The following PRDM5 variants were observed in gnomAD, a reference collection of about 807,000 sequenced individuals.
PRDM5 encodes the protein PR domain zinc finger protein 5.
Under a neutral mutation model 81.2 loss-of-function variants are expected in PRDM5, and 56 were observed. The observed-to-expected ratio is 0.69, with a 90% CI of 0.56 to 0.86. The LOEUF (loss-of-function observed/expected upper bound fraction) is 0.86, where lower values mean the gene tolerates loss of function less well. PRDM5 is among the 40% of genes least tolerant of loss of function. PRDM5 has a pLI of 0.00. For missense variants in PRDM5, 697 were observed against 770.1 expected, an observed-to-expected ratio of 0.91 and a Z score of 1.12; for synonymous variants, 267 against 256.4, an observed-to-expected ratio of 1.04 and a Z score of -0.39.
intron 8 of PRDM5, among the ~76,000 whole-genome samples, chr4:120,810,054 C>A (rs773404440): frequency 1.3e-5 from 2 of 152,108 alleles, no homozygotes; most frequent in Non-Finnish European, 2.9e-5. Context: ...TTTCATTATA[C>A]ATTTTAATGT....
chr4:120,844,363 G>A (rs1460111482), intron 3 of PRDM5, among the ~76,000 whole-genome samples: 1 of 152,108 alleles, frequency 6.6e-6, no homozygotes, highest in Admixed American at 6.6e-5. Flanking sequence ...TTTACAAATT[G>A]AAGGACTACG....
At chr4:120,687,075 ATT>A (rs1353786142), downstream of PRDM5, among the ~76,000 whole-genome samples, 4 of 152,078 alleles carry the variant, frequency 2.6e-5, no homozygotes, top group African/African-American at 9.7e-5. Context: ...AAATTGCAGT[ATT>A]TTTATCTGAA....
intron 2 of PRDM5, among the ~76,000 whole-genome samples, chr4:120,855,290 C>G (rs1298974052): frequency 6.6e-6 from 1 of 152,024 alleles, no homozygotes; most frequent in Non-Finnish European, 1.5e-5. Context: ...CTGGGAAGCA[C>G]GAATTTAATT....
At chr4:120,744,609 A>G (rs1213990753) in intron 14 of PRDM5, among the ~76,000 whole-genome samples, 1 of 152,226 alleles carries the variant, frequency 6.6e-6, no homozygotes, top group Non-Finnish European at 1.5e-5. Context: ...ATTACCACGG[A>G]TCCCACAGAA....
intron 11 of PRDM5, among the ~76,000 whole-genome samples, chr4:120,782,412 G>A (rs1248066108): frequency 6.6e-6 from 1 of 151,888 alleles, no homozygotes; most frequent in Non-Finnish European, 1.5e-5. Context: ...GAAATATGAA[G>A]ACTCTATTAT....
intron 10 of PRDM5, among the ~76,000 whole-genome samples, chr4:120,793,350 G>A (rs1304501052): frequency 3.3e-5 from 5 of 152,108 alleles, no homozygotes; most frequent in Non-Finnish European, 5.9e-5. Context: ...AGGAAAACAA[G>A]CTGAGGGCTC....
chr4:120,808,359 G>A (rs576479365), intron 8 of PRDM5, among the ~76,000 whole-genome samples: 5 of 152,118 alleles, frequency 3.3e-5, no homozygotes, highest in South Asian at 2.1e-4. Flanking sequence ...AGTTCTCCAC[G>A]TCCCCATTAG....
rs11942942 is a variant in PRDM5 at position 120,805,316 on chromosome 4, A to G, written c.946-5571T>C. Among the ~76,000 whole-genome samples, 472 of 152,318 alleles carry G rather than the reference A, an allele frequency of 3.1e-3. 3 individuals carry two copies. Among genetic ancestry groups the G allele is most frequent in the African/African-American group, 0.011 (465 of 41,566 alleles). On this transcript the variant is annotated intron_variant, in intron 8 of 15. Coordinates refer to ENST00000264808, the MANE Select transcript of PRDM5 (RefSeq NM_018699.4). ...ATTTCTTCTGAAACTATTCCAATCA[A>G]TAGAAAAAGAGGGAATCCTCCCTAA... is the stretch of plus-strand genomic sequence containing the variant.
intron 15 of PRDM5, among the ~76,000 whole-genome samples, chr4:120,703,610 C>A (rs879522030): frequency 6.6e-6 from 1 of 152,174 alleles, no homozygotes; most frequent in African/African-American, 2.4e-5. Context: ...TATCTTACAA[C>A]TTTCACCATG....
intron 8 of PRDM5, among the ~76,000 whole-genome samples, chr4:120,804,944 A>G (rs1752694688): frequency 6.6e-6 from 1 of 152,190 alleles, no homozygotes; most frequent in South Asian, 2.1e-4. Flanking sequence ...CAAAATTAAT[A>G]GACCGCTAGC....
intron 14 of PRDM5, among the ~76,000 whole-genome samples, chr4:120,742,155 T>C (rs1025436922): frequency 2.6e-5 from 4 of 152,116 alleles, no homozygotes; most frequent in African/African-American, 9.7e-5. Flanking sequence ...GGAGGCACCC[T>C]CCAGCAGGGG....
chr4:120,852,736 C>G (rs1014021579), intron 3 of PRDM5, among the ~76,000 whole-genome samples: 1 of 150,036 alleles, frequency 6.7e-6, no homozygotes, highest in Admixed American at 6.6e-5. Flanking sequence ...CATATATACA[C>G]ACAACCATAT....
chr4:120,886,941 CTCTT>C (rs1236173886), intron 2 of PRDM5, among the ~76,000 whole-genome samples: 3 of 149,516 alleles, frequency 2.0e-5, no homozygotes, highest in African/African-American at 4.9e-5. Context: ...CTTGACTCTT[CTCTT>C]TCTTTTTTTT....
At chr4:120,904,205 AC>A (rs869160507) in intron 2 of PRDM5, among the ~76,000 whole-genome samples, 2 of 142,900 alleles carry the variant, frequency 1.4e-5, no homozygotes, top group African/African-American at 2.8e-5. Context: ...AAAAAAAAAA[AC>A]AAAAAAACCT....
At chr4:120,753,434 A>G (rs1398312684) in intron 14 of PRDM5, among the ~76,000 whole-genome samples, 3 of 152,186 alleles carry the variant, frequency 2.0e-5, no homozygotes, top group African/African-American at 7.2e-5. Context: ...TAGAGTGAGA[A>G]ACCTGCTATA....
chr4:120,711,566 T>C (rs1031345101), intron 14 of PRDM5, among the ~76,000 whole-genome samples: 3 of 151,878 alleles, frequency 2.0e-5, no homozygotes, highest in African/African-American at 4.8e-5. Context: ...TGCTTTGGCC[T>C]CCCAAAGTGC....
At chr4:120,885,325 A>G (rs1763321495) in intron 2 of PRDM5, among the ~76,000 whole-genome samples, 2 of 151,996 alleles carry the variant, frequency 1.3e-5, no homozygotes, top group South Asian at 4.1e-4. Context: ...AGCCTCCACC[A>G]AGGTAGAAAG....
intron 14 of PRDM5, among the ~76,000 whole-genome samples, chr4:120,741,778 AC>A (rs1344723903): frequency 6.6e-6 from 1 of 152,034 alleles, no homozygotes; most frequent in Non-Finnish European, 1.5e-5. Flanking sequence ...AGAGGGTCCT[AC>A]CCCACGGAGT....
chr4:120,863,211 C>T (rs1212902740), intron 2 of PRDM5, among the ~76,000 whole-genome samples: 14 of 140,762 alleles, frequency 9.9e-5, no homozygotes, highest in African/African-American at 3.6e-4. Context: ...CACACACACA[C>T]ACACACACAC....
Sources: gnomAD v4.1 joint callset for allele counts (sites outside exome capture counted in the v4.1 genomes callset) on GRCh38, gnomAD v4.1.1 for gene constraint, MANE v1.5 for transcripts, NCBI Gene and HGNC (gene_info 2026-07-23, HGNC 2026-07-21) for gene names.